Variants in SMURF1 observed in about 807,000 individuals in gnomAD.
The protein encoded by SMURF1 is SMAD specific E3 ubiquitin protein ligase 1, also known as E3 ubiquitin-protein ligase SMURF1.
A neutral mutation model predicts 98.0 loss-of-function variants in SMURF1; 44 were observed. The observed-to-expected ratio is 0.45, with a 90% CI of 0.35 to 0.58. The LOEUF is 0.58. SMURF1 is among the 20% of genes least tolerant of loss of function. The pLI, the probability that SMURF1 is intolerant of heterozygous loss-of-function variation, is 0.00. For missense variants in SMURF1, 687 were observed against 938.4 expected, an observed-to-expected ratio of 0.73 and a Z score of 3.50; for synonymous variants, 396 against 374.9, an observed-to-expected ratio of 1.06 and a Z score of -0.65.
At chr7:99,080,742 C>T (rs1325068856) in intron 1 of SMURF1, among the ~76,000 whole-genome samples, 1 of 152,124 alleles carries the variant, frequency 6.6e-6, no homozygotes, top group African/African-American at 2.4e-5. Flanking sequence ...ACACTGAAAC[C>T]AGGAAACTAC....
At chr7:99,134,697 C>T (rs1455808456) in intron 1 of SMURF1, among the ~76,000 whole-genome samples, 1 of 152,072 alleles carries the variant, frequency 6.6e-6, no homozygotes, top group African/African-American at 2.4e-5. Context: ...TTATTACTGG[C>T]TTATGCAAAT....
chr7:99,057,442 T>C lies in SMURF1; in HGVS notation c.313A>G (p.Ile105Val). 6.2e-7 allele frequency: 1 copy of C among 1,609,498 alleles called. No individual in the cohort carries two copies. Among genetic ancestry groups the C allele is most frequent in the Non-Finnish European group, 8.5e-7 (1 of 1,178,994 alleles). The change falls in exon 4 of 18, where the codon ATC (isoleucine) becomes GTC (valine). Residue 105 changes from isoleucine (I) to valine (V), a missense_variant. Coordinates refer to ENST00000361368, the MANE Select transcript of SMURF1 (RefSeq NM_181349.3). Reference protein sequence around the residue: ...LGCVRLLSNAISRLKDTGYQR... With the variant: ...LGCVRLLSNAVSRLKDTGYQR... ...CATCCGGTATCTTTTAATCTGCTGA[T>C]GGCATTGGAGAGCAGCCGCACACAG...
intron 1 of SMURF1, among the ~76,000 whole-genome samples, chr7:99,097,679 G>A (rs996076168): frequency 6.6e-6 from 1 of 152,198 alleles, no homozygotes; most frequent in Non-Finnish European, 1.5e-5. Flanking sequence ...CTGTGGTATT[G>A]TGTTATAGCA....
intron 1 of SMURF1, among the ~76,000 whole-genome samples, chr7:99,099,209 CTTTTTT>C (rs57973305): frequency 7.7e-6 from 1 of 129,502 alleles, no homozygotes; most frequent in South Asian, 2.5e-4. Context: ...AACACTACTA[CTTTTTT>C]TTTTTTTTTT....
chr7:99,142,571 G>A (rs114015819), intron 1 of SMURF1, among the ~76,000 whole-genome samples: 1 of 143,764 alleles, frequency 7.0e-6, no homozygotes, highest in Non-Finnish European at 1.5e-5. Flanking sequence ...GGCGGGGCTA[G>A]GCAGGAATGA....
intron 8 of SMURF1, chr7:99,050,848 G>T: frequency 2.7e-6 from 3 of 1,102,206 alleles, no homozygotes; most frequent in Non-Finnish European, 2.5e-6. Flanking sequence ...ATTCTAAAAG[G>T]AAATAAAAAG....
At chr7:99,117,434 C>T (rs752293999) in intron 1 of SMURF1, among the ~76,000 whole-genome samples, 15 of 152,024 alleles carry the variant, frequency 9.9e-5, no homozygotes, top group East Asian at 3.9e-4. Flanking sequence ...CTGCAACCTC[C>T]GCCTCCTGGG....
intron 1 of SMURF1, among the ~76,000 whole-genome samples, chr7:99,075,459 G>A (rs984343250): frequency 1.3e-5 from 2 of 152,174 alleles, no homozygotes; most frequent in African/African-American, 2.4e-5. Flanking sequence ...TTATTTATTA[G>A]TCAGAAATAT....
At chr7:99,101,969 A>G (rs1319501906) in intron 1 of SMURF1, among the ~76,000 whole-genome samples, 3 of 152,082 alleles carry the variant, frequency 2.0e-5, no homozygotes, top group Non-Finnish European at 4.4e-5. Flanking sequence ...AAACAAGGGA[A>G]TAATTTCATT....
At chr7:99,034,417 G>A (rs943288562) in intron 16 of SMURF1, among the ~76,000 whole-genome samples, 1 of 152,194 alleles carries the variant, frequency 6.6e-6, no homozygotes, top group Non-Finnish European at 1.5e-5. Context: ...GACCTGCTGT[G>A]GGCAAGACAA....
rs142786913 is a variant in SMURF1, at chr7:99,049,554, A to C, written c.953+9T>G. 2.9e-4 allele frequency: 459 copies of C among 1,608,574 alleles called. No individual in the cohort carries two copies. In the African/African-American group the frequency reaches 4.8e-3, roughly 17 times the overall value. On this transcript the variant is annotated intron_variant, in intron 9 of 17. Coordinates refer to ENST00000361368, the MANE Select transcript of SMURF1 (RefSeq NM_181349.3). Reference sequence around the variant, plus strand: ...AAGAGGTCAGCAAAAAATATTTTTAAAGTCTTACTTCATGATGTGGTGTAA... The same window carrying C: ...AAGAGGTCAGCAAAAAATATTTTTACAGTCTTACTTCATGATGTGGTGTAA...
chr7:99,034,532 A>T (rs568993827), intron 16 of SMURF1, among the ~76,000 whole-genome samples: 27 of 151,910 alleles, frequency 1.8e-4, no homozygotes, highest in African/African-American at 6.0e-4. Flanking sequence ...AAATCCCATG[A>T]CCTCAGTGAG....
chr7:99,049,358 G>A, intron 9 of SMURF1: 1 of 563,448 alleles, frequency 1.8e-6, no homozygotes, highest in Non-Finnish European at 3.1e-6. Flanking sequence ...TAAGAAAAGG[G>A]TAGCAACAAC....
chr7:99,132,159 G>A (rs1797883954), intron 1 of SMURF1, among the ~76,000 whole-genome samples: 1 of 152,138 alleles, frequency 6.6e-6, no homozygotes, highest in Non-Finnish European at 1.5e-5. Flanking sequence ...CATAGTCAAA[G>A]AAACCCCAAG....
chr7:99,036,323 C>CA (rs1275023601), intron 15 of SMURF1: 1 of 156,738 alleles, frequency 6.4e-6, no homozygotes, highest in Non-Finnish European at 1.4e-5. Flanking sequence ...ACAACAAATA[C>CA]AAAAATTAGC....
chr7:99,061,799 T>G lies in SMURF1; in HGVS notation c.94A>C (p.Arg32=), dbSNP rs1426968776. ...AKNLAKKDFF[R]LPDPFAKIVV... is the part of the protein sequence containing the mutation. The stretch of plus-strand genomic sequence containing the variant: ...GGGAAAAAAATAAGTGTTTACTTAC[T>G]GAAGAAGTCTTTCTTTGCAAGGTTC... Residue 32 remains arginine (R), a splice_region_variant and synonymous_variant, in exon 2 of 18, where the codon AGG becomes CGG. Transcript: ENST00000361368. 3.1e-6 allele frequency: 5 copies of G among 1,602,202 alleles called. No homozygotes were observed. In the Admixed American group the frequency reaches 8.6e-5, roughly 27 times the overall value.
intron 17 of SMURF1, 98 bp from the exon 18 acceptor site, chr7:99,030,781 A>AG: frequency 1.3e-6 from 1 of 775,856 alleles, no homozygotes; most frequent in Non-Finnish European, 2.1e-6. Context: ...GTGGGAGGGG[A>AG]GAGGAATGGG....
chr7:99,090,020 G>GA (rs1796774970), intron 1 of SMURF1, among the ~76,000 whole-genome samples: 3 of 152,128 alleles, frequency 2.0e-5, no homozygotes, highest in African/African-American at 4.8e-5. Flanking sequence ...GGACTTCCTG[G>GA]AAAAAAACTG....
chr7:99,054,044 AC>A (rs1795824625), intron 6 of SMURF1, among the ~76,000 whole-genome samples: 1 of 151,750 alleles, frequency 6.6e-6, no homozygotes, highest in Admixed American at 6.6e-5. Context: ...CAATCCTCCC[AC>A]CTCAGCTTCC....
Sources: gnomAD v4.1 joint callset for allele counts (sites outside exome capture counted in the v4.1 genomes callset) on GRCh38, gnomAD v4.1.1 for gene constraint, MANE v1.5 for transcripts, NCBI Gene and HGNC (gene_info 2026-07-23, HGNC 2026-07-21) for gene names.